ANKRD45: variants seen among roughly 807,000 people sequenced by gnomAD.
ANKRD45 encodes ankyrin repeat domain-containing protein 45.
ANKRD45 carries 21 observed loss-of-function variants against 28.1 expected under a neutral mutation model. The ratio of observed to expected loss-of-function variants is 0.75; its 90% CI spans 0.53 to 1.08. The LOEUF is 1.08. Ranked by LOEUF, ANKRD45 falls within the 50% of genes least tolerant of loss-of-function variation. The pLI is 0.00. For synonymous variants in ANKRD45, 86 were observed against 103.9 expected, an observed-to-expected ratio of 0.83 and a Z score of 1.05; for missense variants, 261 against 308.7, an observed-to-expected ratio of 0.85 and a Z score of 1.16.
In ANKRD45 at chr1:173,659,295, G is replaced by T; in HGVS notation, c.124C>A (p.Pro42Thr). Residue 42 changes from proline to threonine, a missense_variant, in exon 2 of 6, where the codon CCT becomes ACT. Coordinates refer to ENST00000333279, the MANE Select transcript of ANKRD45 (RefSeq NM_198493.3). The stretch of plus-strand genomic sequence containing the variant: ...CCCTCTACATCCCCTGTGAGAGCAG[G>T]TTGTAAAAGGGGGTTCTTAGGGCCT... ...ETGPKNPLLQ[P>T]ALTGDVEGLQ... The T allele has an allele frequency of 6.2e-7, 1 of 1,613,890 alleles. No homozygotes were observed. Among genetic ancestry groups the T allele is most frequent in the Non-Finnish European group, 8.5e-7 (1 of 1,179,920 alleles).
At chr1:173,635,862 A>C in intron 3 of ANKRD45, 1 of 1,473,848 alleles carries the variant, frequency 6.8e-7, no homozygotes. Context: ...TCGTGATACA[A>C]GTAGTAATAG....
chr1:173,675,986 T>A, the ANKRD45 span, among the ~76,000 whole-genome samples: 1 of 152,214 alleles, frequency 6.6e-6, no homozygotes, highest in Non-Finnish European at 1.5e-5. Flanking sequence ...CTCCTCTCAA[T>A]GTTCCAAGAT....
the ANKRD45 span, among the ~76,000 whole-genome samples, chr1:173,710,854 G>A: frequency 2.6e-5 from 4 of 152,048 alleles, no homozygotes; most frequent in Admixed American, 6.6e-5. Context: ...GGTGAGGTGC[G>A]GGAGAAGCCC....
chr1:173,652,619 T>A (rs961447566), intron 2 of ANKRD45, among the ~76,000 whole-genome samples: 2 of 152,182 alleles, frequency 1.3e-5, no homozygotes, highest in Non-Finnish European at 2.9e-5. Flanking sequence ...ATAAAATGAG[T>A]TAGGGAGGAT....
At chr1:173,714,968 C>G in the ANKRD45 span, 3 of 152,738 alleles carry the variant, frequency 2.0e-5, no homozygotes, top group African/African-American at 7.2e-5. Flanking sequence ...AAGGAAATAG[C>G]TCTACGAGCG....
chr1:173,677,019 A>C, the ANKRD45 span, among the ~76,000 whole-genome samples: 1 of 151,966 alleles, frequency 6.6e-6, no homozygotes, highest in Non-Finnish European at 1.5e-5. Flanking sequence ...GGAACCGGGA[A>C]TATCTTAAAG....
chr1:173,619,690 T>C (rs948220319), intron 5 of ANKRD45, among the ~76,000 whole-genome samples: 10 of 151,884 alleles, frequency 6.6e-5, no homozygotes, highest in African/African-American at 2.2e-4. Context: ...TAGCCAGGTG[T>C]GGAAGTGGGC....
At chr1:173,689,274 G>A in the ANKRD45 span, among the ~76,000 whole-genome samples, 11 of 152,144 alleles carry the variant, frequency 7.2e-5, no homozygotes, top group Non-Finnish European at 1.5e-4. Context: ...CCTGGTAGAT[G>A]AGGACCTTGG....
intron 2 of ANKRD45, among the ~76,000 whole-genome samples, chr1:173,656,484 C>T (rs998030958): frequency 1.3e-5 from 2 of 152,168 alleles, no homozygotes; most frequent in African/African-American, 4.8e-5. Flanking sequence ...ATACTCTAAT[C>T]TTTATATCCA....
Position 173,646,838 on chromosome 1 carries a change from T to C in ANKRD45, c.496+8A>G. ...GTCAGTTTGCTAACCCCTTGTGAGC[T>C]TCCTTACCTGCCCAGTCCAGGAATT... On this transcript the variant is annotated splice_region_variant and intron_variant, in intron 3 of 5. Transcript: ENST00000333279. The C allele has an allele frequency of 6.2e-7, 1 of 1,612,686 alleles. No individual in the cohort carries two copies. The highest frequency in any genetic ancestry group is 2.2e-5 in the East Asian group (1 of 44,862).
rs559899819 is a variant in ANKRD45 at position 173,644,817 on chromosome 1, A to G, written c.496+2029T>C. On this transcript the variant is annotated intron_variant, in intron 3 of 5. Transcript: ENST00000333279. ...AGACCAGCCTGACCAACATGGTGAA[A>G]CCCTGTCTCTACTTAAAATATAAAA... Among the ~76,000 whole-genome samples the G allele has an allele frequency of 4.1e-4, 63 of 152,066 alleles. 1 individual carries two copies. In the South Asian group the frequency reaches 6.9e-3, roughly 17 times the overall value.
At chr1:173,652,681 C>T (rs1412385833) in intron 2 of ANKRD45, among the ~76,000 whole-genome samples, 2 of 152,148 alleles carry the variant, frequency 1.3e-5, no homozygotes, top group African/African-American at 4.8e-5. Flanking sequence ...GTACCAGCTC[C>T]TCCTTGTAAC....
chr1:173,635,802 C>G, intron 3 of ANKRD45: 1 of 1,535,134 alleles, frequency 6.5e-7, no homozygotes, highest in East Asian at 2.4e-5. Flanking sequence ...TTTGTTTTGT[C>G]TGTGCATTAC....
chr1:173,677,675 G>A, the ANKRD45 span, among the ~76,000 whole-genome samples: 1 of 152,116 alleles, frequency 6.6e-6, no homozygotes, highest in Non-Finnish European at 1.5e-5. Context: ...GCAGGGCTTT[G>A]TGTCCATTTT....
chr1:173,647,696 C>G (rs563876154), intron 2 of ANKRD45, among the ~76,000 whole-genome samples: 112 of 152,258 alleles, frequency 7.4e-4, no homozygotes, highest in African/African-American at 2.6e-3. Flanking sequence ...CACTTTATTG[C>G]ACAGAGGGAC....
chr1:173,712,183 C>T, the ANKRD45 span, among the ~76,000 whole-genome samples: 1 of 152,140 alleles, frequency 6.6e-6, no homozygotes, highest in Non-Finnish European at 1.5e-5. Flanking sequence ...ATTTAAACCA[C>T]AGTGAATTAC....
chr1:173,610,019 A>C lies in ANKRD45; in HGVS notation c.*126T>G. On this transcript the variant is annotated 3_prime_UTR_variant, in exon 6 of 6. Coordinates refer to ENST00000333279, the MANE Select transcript of ANKRD45 (RefSeq NM_198493.3). ...CATGCTGAACAGGTCAAACAAAACA[A>C]GGGCGATGTAATGTTGTACTTAAAT... 1 of 973,008 alleles carries C rather than the reference A, an allele frequency of 1.0e-6. No individual in the cohort carries two copies. 60.3% of individuals were successfully genotyped at this position (973,008 alleles called of 1,614,324 possible).
the ANKRD45 span, among the ~76,000 whole-genome samples, chr1:173,702,518 G>A: frequency 6.6e-6 from 1 of 152,034 alleles, no homozygotes; most frequent in Non-Finnish European, 1.5e-5. Flanking sequence ...TTAGGGAGAA[G>A]GCAAAGGAAG....
the ANKRD45 span, among the ~76,000 whole-genome samples, chr1:173,678,830 C>T: frequency 6.6e-6 from 1 of 152,300 alleles, no homozygotes; most frequent in African/African-American, 2.4e-5. Context: ...CCCAAATCTC[C>T]TTAACCTGAT....
Sources: gnomAD v4.1 joint callset for allele counts (sites outside exome capture counted in the v4.1 genomes callset) on GRCh38, gnomAD v4.1.1 for gene constraint, MANE v1.5 for transcripts, NCBI Gene and HGNC (gene_info 2026-07-23, HGNC 2026-07-21) for gene names.